PIGL: variants seen among roughly 807,000 people sequenced by gnomAD.
The protein encoded by PIGL is N-acetylglucosaminyl-phosphatidylinositol de-N-acetylase.
In PIGL, 22 loss-of-function variants were observed where a neutral mutation model predicts 31.1. The observed-to-expected ratio is 0.71, with a 90% CI of 0.51 to 1.01. The LOEUF (loss-of-function observed/expected upper bound fraction) is 1.01, where lower values mean the gene tolerates loss of function less well. Among genes scored for constraint, PIGL ranks in the 50% least tolerant of loss-of-function variants. PIGL has a pLI of 0.00. For synonymous variants in PIGL, 131 were observed against 117.4 expected, an observed-to-expected ratio of 1.12 and a Z score of -0.75; for missense variants, 302 against 315.9, an observed-to-expected ratio of 0.96 and a Z score of 0.33.
chr17:16,217,646 A>ATCTACACAATCGCCAT, intron 1 of PIGL, 185 bp downstream of exon 1: 1 of 511,626 alleles, frequency 2.0e-6, no homozygotes, highest in South Asian at 3.2e-5. Flanking sequence ...GGGTTGGGGG[A>ATCTACACAATCGCCAT]CGTCGGCAGC....
chr17:16,235,549 C>T (rs2142683537), intron 2 of PIGL, among the ~76,000 whole-genome samples: 1 of 148,194 alleles, frequency 6.7e-6, no homozygotes, highest in Non-Finnish European at 1.5e-5. Flanking sequence ...TGGATTCAAG[C>T]GGTTCTCCCC....
At chr17:16,220,498 T>A (rs953364280) in intron 1 of PIGL, among the ~76,000 whole-genome samples, 1 of 142,652 alleles carries the variant, frequency 7.0e-6, no homozygotes, top group African/African-American at 2.6e-5. Flanking sequence ...TTTTTTTTTT[T>A]TTTTTTTTGA....
chr17:16,268,154 G>C (rs2092853353), intron 2 of PIGL, among the ~76,000 whole-genome samples: 1 of 152,288 alleles, frequency 6.6e-6, no homozygotes, highest in East Asian at 1.9e-4. Context: ...ATGATGACTG[G>C]TCTACATGAC....
At chr17:16,299,359 G>A (rs2092995115) in intron 2 of PIGL, among the ~76,000 whole-genome samples, 1 of 151,688 alleles carries the variant, frequency 6.6e-6, no homozygotes, top group Admixed American at 6.6e-5. Context: ...GGAGGCTGAG[G>A]CAGGAACCCC....
chr17:16,238,646 C>CA (rs768031957), intron 2 of PIGL, among the ~76,000 whole-genome samples: 1 of 150,848 alleles, frequency 6.6e-6, no homozygotes, highest in Non-Finnish European at 1.5e-5. Context: ...CGCCGTGACT[C>CA]ACACCTGTAA....
chr17:16,307,691 G>A (rs545492202), intron 3 of PIGL, among the ~76,000 whole-genome samples: 1 of 152,272 alleles, frequency 6.6e-6, no homozygotes, highest in East Asian at 1.9e-4. Flanking sequence ...GTTTGGCTGA[G>A]CACAGTGTCT....
intron 2 of PIGL, among the ~76,000 whole-genome samples, chr17:16,256,132 G>A (rs2092792737): frequency 6.6e-6 from 1 of 152,088 alleles, no homozygotes; most frequent in Admixed American, 6.5e-5. Flanking sequence ...CACAAAAATG[G>A]GATTCAAAGT....
chr17:16,256,659 C>T (rs1158836793), intron 2 of PIGL, among the ~76,000 whole-genome samples: 1 of 147,084 alleles, frequency 6.8e-6, no homozygotes, highest in Non-Finnish European at 1.5e-5. Flanking sequence ...CGTTTTTCAC[C>T]CTTTATAGTT....
intron 3 of PIGL, among the ~76,000 whole-genome samples, chr17:16,301,802 C>A (rs1288958565): frequency 6.6e-6 from 1 of 152,008 alleles, no homozygotes; most frequent in Non-Finnish European, 1.5e-5. Context: ...ATCTCCTGAC[C>A]TCATGATCCA....
intron 2 of PIGL, among the ~76,000 whole-genome samples, chr17:16,271,570 C>T (rs1285614327): frequency 6.7e-6 from 1 of 150,216 alleles, no homozygotes; most frequent in East Asian, 1.9e-4. Flanking sequence ...TTTGCTCTGT[C>T]GCCCATGCTG....
At chr17:16,232,292 G>T (rs2092682549) in intron 1 of PIGL, among the ~76,000 whole-genome samples, 2 of 151,956 alleles carry the variant, frequency 1.3e-5, no homozygotes, top group Admixed American at 1.3e-4. Flanking sequence ...AAAAAGGAAA[G>T]AAAAGAAAAT....
At chr17:16,266,189 C>T (rs1000574743) in intron 2 of PIGL, among the ~76,000 whole-genome samples, 2 of 151,698 alleles carry the variant, frequency 1.3e-5, no homozygotes, top group African/African-American at 2.4e-5. Flanking sequence ...CTGAGGCAGG[C>T]GGATCACCTG....
At chr17:16,324,403 A>G (rs2093118685) in intron 6 of PIGL, 3 of 151,056 alleles carry the variant, frequency 2.0e-5, no homozygotes, top group South Asian at 2.1e-4. Context: ...ATCTCGGTTC[A>G]CTGCAATCTC....
intron 2 of PIGL, among the ~76,000 whole-genome samples, chr17:16,271,038 A>G (rs756373868): frequency 3.3e-5 from 5 of 152,164 alleles, no homozygotes; most frequent in Admixed American, 6.6e-5. Flanking sequence ...AGTAATTCCT[A>G]AAGAAGTCAT....
intron 3 of PIGL, among the ~76,000 whole-genome samples, chr17:16,307,828 G>T (rs542161513): frequency 1.3e-5 from 2 of 151,996 alleles, no homozygotes; most frequent in South Asian, 4.2e-4. Context: ...TTAAGTAGCT[G>T]GGCCCGGTGG....
chr17:16,239,071 C>T (rs2092712012), intron 2 of PIGL, among the ~76,000 whole-genome samples: 1 of 151,870 alleles, frequency 6.6e-6, no homozygotes, highest in Non-Finnish European at 1.5e-5. Flanking sequence ...TGGTGGCACG[C>T]ACCCTGTAGT....
chr17:16,234,304 T>C (rs2092690995), intron 2 of PIGL, among the ~76,000 whole-genome samples: 1 of 149,812 alleles, frequency 6.7e-6, no homozygotes, highest in African/African-American at 2.5e-5. Context: ...CTACTAAAAA[T>C]ACAAAAATTA....
chr17:16,243,736 T>C (rs73281952), intron 2 of PIGL, among the ~76,000 whole-genome samples: 8,039 of 152,296 alleles, frequency 0.053, 564 homozygotes, highest in African/African-American at 0.16. Flanking sequence ...ACCCTCTTAC[T>C]CTGTGAGTGT....
intron 3 of PIGL, among the ~76,000 whole-genome samples, chr17:16,301,439 AT>A (rs1303455970): frequency 6.8e-6 from 1 of 147,634 alleles, no homozygotes; most frequent in African/African-American, 2.5e-5. Flanking sequence ...TAATTTTTGT[AT>A]TTTTAGTAGA....
Sources: allele counts gnomAD v4.1 joint callset (sites outside exome capture counted in the v4.1 genomes callset), GRCh38; gene constraint gnomAD v4.1.1; transcripts MANE v1.5; gene names NCBI Gene and HGNC (gene_info 2026-07-23, HGNC 2026-07-21).